Variants in RBFOX1 observed in about 807,000 individuals in gnomAD.
RBFOX1 encodes the protein RNA binding fox-1 homolog 1.
A neutral mutation model predicts 57.7 loss-of-function variants in RBFOX1; 8 were observed. The ratio of observed to expected loss-of-function variants is 0.14; its 90% CI spans 0.08 to 0.25. RBFOX1 has a LOEUF of 0.25. Ranked by LOEUF, RBFOX1 falls within the 10% of genes least tolerant of loss-of-function variation. The pLI, the probability that RBFOX1 is intolerant of heterozygous loss-of-function variation, is 1.00. For synonymous variants in RBFOX1, 326 were observed against 222.4 expected, an observed-to-expected ratio of 1.47 and a Z score of -4.15; for missense variants, 611 against 548.5, an observed-to-expected ratio of 1.11 and a Z score of -1.14.
chr16:7,086,690 G>C (rs974096073), intron 4 of RBFOX1, among the ~76,000 whole-genome samples: 3 of 101,480 alleles, frequency 3.0e-5, no homozygotes, highest in Admixed American at 1.0e-4. Context: ...TCCTAGGTCT[G>C]CGATTGCAAA....
chr16:5,389,492 A>G (rs762821353), intron 1 of RBFOX1, among the ~76,000 whole-genome samples: 24 of 152,154 alleles, frequency 1.6e-4, no homozygotes, highest in Admixed American at 3.9e-4. Flanking sequence ...ACATCGCCAA[A>G]TGTCCTCTGG....
chr16:7,681,996 G>A (rs1272516287), intron 14 of RBFOX1, among the ~76,000 whole-genome samples: 1 of 152,104 alleles, frequency 6.6e-6, no homozygotes, highest in Non-Finnish European at 1.5e-5. Context: ...TTCAAGACCT[G>A]GCACCTGCCT....
At chr16:7,447,626 C>G (rs951856990) in intron 4 of RBFOX1, among the ~76,000 whole-genome samples, 1 of 152,150 alleles carries the variant, frequency 6.6e-6, no homozygotes, top group South Asian at 2.1e-4. Context: ...ATAAAGTGGT[C>G]AAGAGCTGTA....
At chr16:6,233,151 C>A (rs2097478335) in intron 1 of RBFOX1, among the ~76,000 whole-genome samples, 1 of 152,124 alleles carries the variant, frequency 6.6e-6, no homozygotes, top group African/African-American at 2.4e-5. Context: ...AGCCCGATCA[C>A]AAAGCAGGTT....
intron 2 of RBFOX1, among the ~76,000 whole-genome samples, chr16:6,437,041 T>C (rs993188840): frequency 2.0e-5 from 3 of 152,210 alleles, no homozygotes; most frequent in African/African-American, 4.8e-5. Flanking sequence ...AGTTACTCAG[T>C]ATTTTTGGCT....
chr16:7,587,390 C>G, intron 7 of RBFOX1, 90 bp downstream of exon 7: 1 of 1,266,764 alleles, frequency 7.9e-7, no homozygotes, highest in Non-Finnish European at 1.0e-6. Context: ...TCTTAATCAG[C>G]TCATTGTGAA....
chr16:5,784,645 A>G (rs1056921044), intron 3 of RBFOX1, among the ~76,000 whole-genome samples: 21 of 152,238 alleles, frequency 1.4e-4, no homozygotes, highest in Middle Eastern at 3.4e-3. Context: ...TGTTGATTAC[A>G]TTTCAACATG....
chr16:6,860,958 A>G (rs1350173966), intron 3 of RBFOX1, among the ~76,000 whole-genome samples: 3 of 152,188 alleles, frequency 2.0e-5, no homozygotes, highest in Non-Finnish European at 4.4e-5. Flanking sequence ...GTCTATGCAT[A>G]TATGGTAAAA....
chr16:7,139,176 C>CTCTCTCTGTGTGTG (rs372381673), intron 4 of RBFOX1, among the ~76,000 whole-genome samples: 22,643 of 145,792 alleles, frequency 0.16, 2,184 homozygotes, highest in East Asian at 0.38. Context: ...CAATCTCTCT[C>CTCTCTCTGTGTGTG]TGTGTGTGTG....
intron 4 of RBFOX1, among the ~76,000 whole-genome samples, chr16:5,956,678 A>ATATTTATATATATATATATATTTTTTTTT (rs368096576): frequency 4.3e-5 from 5 of 116,504 alleles, no homozygotes; most frequent in African/African-American, 1.7e-4. Context: ...ATATATATAT[A>ATATTTATATATATATATATATTTTTTTTT]TTTTTTTTGA....
intron 3 of RBFOX1, among the ~76,000 whole-genome samples, chr16:5,802,934 A>G (rs2055105751): frequency 6.6e-6 from 1 of 152,174 alleles, no homozygotes; most frequent in South Asian, 2.1e-4. Context: ...ATTTCAGGCA[A>G]TATGCTTGTC....
chr16:5,626,406 G>C (rs2048351920), intron 3 of RBFOX1, among the ~76,000 whole-genome samples: 1 of 152,116 alleles, frequency 6.6e-6, no homozygotes, highest in Admixed American at 6.5e-5. Context: ...AGTCAGGTTG[G>C]ACTGGGACTC....
intron 2 of RBFOX1, among the ~76,000 whole-genome samples, chr16:6,645,273 G>T (rs926521503): frequency 6.6e-6 from 1 of 152,138 alleles, no homozygotes; most frequent in Admixed American, 6.5e-5. Context: ...TTGCAAACAA[G>T]GTCACATTCA....
chr16:6,726,532 C>A (rs138452340), intron 3 of RBFOX1, among the ~76,000 whole-genome samples: 1,536 of 152,086 alleles, frequency 0.01, 18 homozygotes, highest in Non-Finnish European at 0.013. Flanking sequence ...AGTGCCTGGA[C>A]ATGTTCAGGT....
chr16:6,987,759 G>A (rs2090615765), intron 3 of RBFOX1, among the ~76,000 whole-genome samples: 1 of 152,180 alleles, frequency 6.6e-6, no homozygotes, highest in African/African-American at 2.4e-5. Context: ...CTTGCAGATA[G>A]CAGAGGGGAG....
intron 4 of RBFOX1, among the ~76,000 whole-genome samples, chr16:7,500,935 G>C (rs1407469383): frequency 1.3e-5 from 2 of 152,140 alleles, no homozygotes; most frequent in Non-Finnish European, 2.9e-5. Context: ...CATGAGATCT[G>C]ATGGGTTTAT....
intron 5 of RBFOX1, among the ~76,000 whole-genome samples, chr16:7,576,986 C>T (rs1044167471): frequency 1.3e-5 from 2 of 152,180 alleles, no homozygotes; most frequent in Non-Finnish European, 1.5e-5. Flanking sequence ...GAGCTCATTT[C>T]TGTGTCATGG....
At chr16:6,747,471 TC>T (rs2073976321) in intron 3 of RBFOX1, among the ~76,000 whole-genome samples, 1 of 146,954 alleles carries the variant, frequency 6.8e-6, no homozygotes, top group African/African-American at 2.7e-5. Context: ...TGTCTGTCTG[TC>T]TGTTTATCTA....
intron 4 of RBFOX1, among the ~76,000 whole-genome samples, chr16:7,493,421 G>A (rs2067576441): frequency 6.6e-6 from 1 of 152,178 alleles, no homozygotes; most frequent in Non-Finnish European, 1.5e-5. Context: ...CATAATCACT[G>A]GAACCTGCGA....
Sources: allele counts gnomAD v4.1 joint callset (sites outside exome capture counted in the v4.1 genomes callset), GRCh38; gene constraint gnomAD v4.1.1; transcripts MANE v1.5; gene names NCBI Gene and HGNC (gene_info 2026-07-23, HGNC 2026-07-21).